The following CMKLR1 variants were observed in gnomAD, a reference collection of about 807,000 sequenced individuals.
CMKLR1 encodes the protein chemerin-like receptor 1.
Under a neutral mutation model 8.2 loss-of-function variants are expected in CMKLR1, and 6 were observed. The observed-to-expected ratio is 0.73, with a 90% CI of 0.40 to 1.44. The LOEUF (loss-of-function observed/expected upper bound fraction) is 1.44. Ranked by LOEUF, CMKLR1 falls within the 40% of genes most tolerant of loss-of-function variation. The probability of loss-of-function intolerance (pLI) is 0.02; values close to 1 mark genes in which losing one functional copy is unlikely to be tolerated. For missense variants in CMKLR1, 429 were observed against 478.0 expected, an observed-to-expected ratio of 0.90 and a Z score of 0.96; for synonymous variants, 178 against 181.2, an observed-to-expected ratio of 0.98 and a Z score of 0.14.
At chr12:108,311,327 T>C (rs1891565038) in intron 2 of CMKLR1, among the ~76,000 whole-genome samples, 1 of 152,148 alleles carries the variant, frequency 6.6e-6, no homozygotes, top group Non-Finnish European at 1.5e-5. Flanking sequence ...TTAAAAGTGC[T>C]AGGGAGACTG....
rs1433632638 is a variant in CMKLR1 at position 108,292,075 on chromosome 12, C to T, written c.888G>A (p.Leu296=). ...HTAMPGSVFS[L]GLPLATALAI... is the part of the protein sequence containing the mutation. ...CAAGGGCAGTGGCCAGGGGCAAACC[C>T]AGGCTGAAGACAGAGCCAGGCATGG... is the stretch of plus-strand genomic sequence containing the variant. Residue 296 remains leucine (L), a synonymous_variant, in exon 4 of 4, where the codon CTG becomes CTA. Coordinates refer to ENST00000550402, the MANE Select transcript of CMKLR1 (RefSeq NM_001142343.2). The T allele has an allele frequency of 6.2e-7, 1 of 1,614,176 alleles. No individual in the cohort carries two copies. The highest frequency in any genetic ancestry group is 1.7e-5 in the Admixed American group (1 of 60,028).
chr12:108,304,575 C>T (rs1005897296), intron 2 of CMKLR1, among the ~76,000 whole-genome samples: 2 of 151,974 alleles, frequency 1.3e-5, no homozygotes, highest in African/African-American at 2.4e-5. Flanking sequence ...TTCTTTCTGC[C>T]TCTCTCTCTC....
chr12:108,337,173 G>A (rs938698032), intron 1 of CMKLR1, among the ~76,000 whole-genome samples: 4 of 152,182 alleles, frequency 2.6e-5, no homozygotes, highest in African/African-American at 9.7e-5. Context: ...CCTTTTGTGG[G>A]GAGGTCTAGC....
intron 2 of CMKLR1, among the ~76,000 whole-genome samples, chr12:108,302,855 G>GC (rs1891314075): frequency 6.6e-6 from 1 of 152,188 alleles, no homozygotes; most frequent in South Asian, 2.1e-4. Context: ...GGGAAATAGG[G>GC]CTACTGGGAA....
At chr12:108,325,600 TC>T (rs1214390728) in intron 2 of CMKLR1, among the ~76,000 whole-genome samples, 2 of 151,852 alleles carry the variant, frequency 1.3e-5, no homozygotes, top group Admixed American at 1.3e-4. Flanking sequence ...CAGATCCATC[TC>T]CCCCTGCCCC....
chr12:108,324,711 T>G (rs192276968), intron 2 of CMKLR1, among the ~76,000 whole-genome samples: 1 of 152,290 alleles, frequency 6.6e-6, no homozygotes, highest in African/African-American at 2.4e-5. Context: ...TGAAATAATT[T>G]TAGTGAGGGT....
In CMKLR1 at chr12:108,336,403, G is replaced by A. The variant is rs148530752; in HGVS notation, c.-287+2624C>T. 2.0e-3 allele frequency among the ~76,000 whole-genome samples: 304 copies of A among 149,994 alleles called. 1 individual carries two copies. Among genetic ancestry groups the A allele is most frequent in the African/African-American group, 7.2e-3 (293 of 40,904 alleles). On this transcript the variant is annotated intron_variant, in intron 1 of 3. Transcript: ENST00000550402. Reference sequence around the variant, plus strand: ...CTACTAAAAATACAAAAAATTAGCCGGGCGGGGTGGTGGGTGCCTGTAGTC... The same window carrying A: ...CTACTAAAAATACAAAAAATTAGCCAGGCGGGGTGGTGGGTGCCTGTAGTC...
intron 1 of CMKLR1, among the ~76,000 whole-genome samples, chr12:108,330,884 G>A (rs1269292188): frequency 6.6e-6 from 1 of 152,166 alleles, no homozygotes; most frequent in Admixed American, 6.5e-5. Flanking sequence ...CAGCCCTCAA[G>A]CCAACACATA....
rs541644358 is a variant in CMKLR1 at position 108,325,795 on chromosome 12, C to T, written c.-74+4200G>A. 1.1e-4 allele frequency among the ~76,000 whole-genome samples: 16 copies of T among 152,324 alleles called. No individual in the cohort carries two copies. In the East Asian group the frequency reaches 1.5e-3, roughly 15 times the overall value. Reference sequence around the variant, plus strand: ...TAAAATGCACTTCTACCCACACCAGCGCAGCCACCAACACCACATCCTCTC... The same window carrying T: ...TAAAATGCACTTCTACCCACACCAGTGCAGCCACCAACACCACATCCTCTC... On this transcript the variant is annotated intron_variant, in intron 2 of 3. Coordinates refer to ENST00000550402, the MANE Select transcript of CMKLR1 (RefSeq NM_001142343.2).
intron 2 of CMKLR1, among the ~76,000 whole-genome samples, chr12:108,318,403 GTC>G (rs933340118): frequency 1.1e-4 from 17 of 152,312 alleles, no homozygotes; most frequent in African/African-American, 3.4e-4. Context: ...TTAGTACAAA[GTC>G]TGTCTCATGG....
chr12:108,306,996 G>C (rs111610824), intron 2 of CMKLR1, among the ~76,000 whole-genome samples: 3,457 of 152,132 alleles, frequency 0.023, 118 homozygotes, highest in African/African-American at 0.076. Flanking sequence ...TATCTTCCCA[G>C]CCATCCAGCT....
intron 2 of CMKLR1, among the ~76,000 whole-genome samples, chr12:108,301,465 T>C (rs943916325): frequency 2.6e-5 from 4 of 152,102 alleles, no homozygotes; most frequent in African/African-American, 9.7e-5. Flanking sequence ...GACCATGTCT[T>C]ACCTGAAAAT....
At chr12:108,329,922 G>A (rs1453901471) in intron 2 of CMKLR1, 73 bp downstream of exon 2, 1 of 152,152 alleles carries the variant, frequency 6.6e-6, no homozygotes, top group Non-Finnish European at 1.5e-5. Context: ...ACTGTCATTC[G>A]TTGTTTTAAG....
At chr12:108,307,139 T>C (rs1478932083) in intron 2 of CMKLR1, among the ~76,000 whole-genome samples, 1 of 152,172 alleles carries the variant, frequency 6.6e-6, no homozygotes, top group Non-Finnish European at 1.5e-5. Context: ...CAGCCTTGGG[T>C]CCACTCTTGC....
At chr12:108,308,483 GCCT>G (rs74866540) in intron 2 of CMKLR1, among the ~76,000 whole-genome samples, 17,835 of 152,184 alleles carry the variant, frequency 0.12, 1,184 homozygotes, top group Admixed American at 0.16. Flanking sequence ...CCGCTCAACA[GCCT>G]GTTCCCTGCA....
chr12:108,329,376 T>C (rs1044469393), intron 2 of CMKLR1, among the ~76,000 whole-genome samples: 3 of 152,176 alleles, frequency 2.0e-5, no homozygotes, highest in African/African-American at 7.2e-5. Flanking sequence ...AAAATCTCTC[T>C]CATGTCTAGC....
intron 2 of CMKLR1, among the ~76,000 whole-genome samples, chr12:108,319,518 T>C (rs1231861361): frequency 6.6e-6 from 1 of 152,222 alleles, no homozygotes; most frequent in African/African-American, 2.4e-5. Flanking sequence ...TTGCTTAAAT[T>C]CTTTCCTCAG....
In CMKLR1 at chr12:108,291,994, G is replaced by C. The variant is rs1197902833; in HGVS notation, c.969C>G (p.Phe323Leu). The change falls in exon 4 of 4, where the codon TTC becomes TTG. Residue 323 changes from phenylalanine (F) to leucine (L), a missense_variant. Transcript: ENST00000550402. ...PILYVFMGQD[F>L]KKFKVALFSR... ...AGAAGAGGGCCACCTTGAACTTCTT[G>C]AAGTCCTGACCCATGAAAACATACA... 3 of 1,614,178 alleles carry C rather than the reference G, an allele frequency of 1.9e-6. No individual in the cohort carries two copies. The highest frequency in any genetic ancestry group is 1.7e-6 in the Non-Finnish European group (2 of 1,180,030).
At chr12:108,334,589 T>G (rs1892178109) in intron 1 of CMKLR1, among the ~76,000 whole-genome samples, 1 of 152,176 alleles carries the variant, frequency 6.6e-6, no homozygotes, top group African/African-American at 2.4e-5. Context: ...AGCTTTCACT[T>G]CCCTCATGCC....
Sources: allele counts gnomAD v4.1 joint callset (sites outside exome capture counted in the v4.1 genomes callset), GRCh38; gene constraint gnomAD v4.1.1; transcripts MANE v1.5; gene names NCBI Gene and HGNC (gene_info 2026-07-23, HGNC 2026-07-21).